The following PRKAB1 variants were observed in gnomAD, a reference collection of about 807,000 sequenced individuals.
The protein encoded by PRKAB1 is 5'-AMP-activated protein kinase subunit beta-1.
PRKAB1 carries 18 observed loss-of-function variants against 32.0 expected under a neutral mutation model. That is an observed-to-expected ratio of 0.56 (90% CI 0.39 to 0.83). PRKAB1 has a LOEUF of 0.83. Ranked by LOEUF, PRKAB1 falls within the 40% of genes least tolerant of loss-of-function variation. PRKAB1 has a pLI of 0.00. For synonymous variants in PRKAB1, 141 were observed against 141.4 expected (o/e 1.00, Z 0.02); for missense variants, 263 against 352.6 (o/e 0.75, Z 2.03).
chr12:119,672,010 T>G (rs893437075), intron 1 of PRKAB1, among the ~76,000 whole-genome samples: 1 of 152,238 alleles, frequency 6.6e-6, no homozygotes, highest in African/African-American at 2.4e-5. Context: ...GTGTGTTTCA[T>G]AGCTTCTTCT....
intron 2 of PRKAB1, among the ~76,000 whole-genome samples, chr12:119,673,517 G>C (rs1955402096): frequency 2.6e-5 from 4 of 152,168 alleles, no homozygotes; most frequent in Admixed American, 2.6e-4. Context: ...TCCGGAGTTT[G>C]GTTTTTCAGT....
rs1955407166 is a variant in PRKAB1, at chr12:119,674,217, G to A, written c.418-123G>A. On this transcript the variant is annotated intron_variant, in intron 3 of 6. Coordinates refer to ENST00000229328, the MANE Select transcript of PRKAB1 (RefSeq NM_006253.5). This position sits in a 1 kb window ranked among gnomAD's most constrained non-coding sequence, Gnocchi z 4.3. ...TACCTGTCAGACAGTTGGCATACTT[G>A]ACCAAGATGAGCAGGGTGGCTAGCC... 2.0e-6 allele frequency: 2 copies of A among 1,024,706 alleles called. No individual in the cohort carries two copies. The highest frequency in any genetic ancestry group is 3.2e-5 in the African/African-American group (2 of 62,504). The allele number at this position is 1,024,706 out of a possible 1,614,324, so 63.5% of individuals were successfully genotyped here. A position where few individuals can be genotyped will look rare whatever the true frequency, so the allele number is the denominator to read the frequency against.
intron 1 of PRKAB1, among the ~76,000 whole-genome samples, chr12:119,670,840 T>A (rs1362179968): frequency 1.3e-5 from 2 of 152,226 alleles, no homozygotes; most frequent in African/African-American, 4.8e-5. Context: ...TTATTTAATA[T>A]GTAGATCTTG....
rs749874985 is a variant in PRKAB1, at chr12:119,676,699, T to A, written c.666+29T>A. 13 of 1,609,492 alleles carry A rather than the reference T, an allele frequency of 8.1e-6. 1 individual carries two copies. The Admixed American group carries it at 2.2e-4, about 27-fold the overall frequency. ...AGTATGTGGGCATCTGCCCGGACCA[T>A]CCGCCGTGGGTCATGTTCAGTTGCT... On this transcript the variant is annotated intron_variant, in intron 5 of 6. Coordinates refer to ENST00000229328, the MANE Select transcript of PRKAB1 (RefSeq NM_006253.5).
At chr12:119,671,713 C>T (rs1436504210) in intron 1 of PRKAB1, 6 of 203,346 alleles carry the variant, frequency 3.0e-5, no homozygotes, top group African/African-American at 1.2e-4. Flanking sequence ...ATCACCTAGT[C>T]TATATGGTGT....
intron 1 of PRKAB1, among the ~76,000 whole-genome samples, chr12:119,669,191 G>A (rs1345731397): frequency 6.6e-6 from 1 of 151,958 alleles, no homozygotes; most frequent in Non-Finnish European, 1.5e-5. Flanking sequence ...GAACTCCCGG[G>A]TTCAAGCAAT....
Position 119,676,664 on chromosome 12 carries a change from G to A in PRKAB1, c.660G>A (p.Gly220=). Residue 220 remains glycine, a synonymous_variant, in exon 5 of 7, where the codon GGG becomes GGA. Transcript: ENST00000229328. ...AGGTCATCCTGAACAAGGACACGGG[G>A]ATTTCCGTAAGTATGTGGGCATCTG... ...LLQVILNKDT[G]ISCDPALLPE... 6.2e-7 allele frequency: 1 copy of A among 1,613,884 alleles called. No individual in the cohort carries two copies. The highest frequency in any genetic ancestry group is 1.1e-5 in the South Asian group (1 of 91,036).
At chr12:119,671,598 C>T (rs1386536134) in intron 1 of PRKAB1, 3 of 294,466 alleles carry the variant, frequency 1.0e-5, no homozygotes, top group African/African-American at 2.2e-5. Flanking sequence ...ATGGGGAAAC[C>T]GCCCCCATGA....
In PRKAB1 at chr12:119,674,764, G is replaced by T. The variant is rs1240113462; in HGVS notation, c.532+310G>T. Among the ~76,000 whole-genome samples, 1 of 152,246 alleles carries T rather than the reference G, an allele frequency of 6.6e-6. No individual in the cohort carries two copies. Among genetic ancestry groups the T allele is most frequent in the African/African-American group, 2.4e-5 (1 of 41,472 alleles). Reference sequence around the variant, plus strand: ...CAGGGCTGAAGAGGCCCTGGAGGGTGGCACTGAGTCAGTGACAGCCCAGCA... The same window carrying T: ...CAGGGCTGAAGAGGCCCTGGAGGGTTGCACTGAGTCAGTGACAGCCCAGCA... On this transcript the variant is annotated intron_variant, in intron 4 of 6. Transcript: ENST00000229328. The surrounding 1 kb of genome is among the most constrained non-coding windows in gnomAD (Gnocchi z 4.3).
intron 4 of PRKAB1, among the ~76,000 whole-genome samples, chr12:119,675,986 C>A (rs1955421258): frequency 6.6e-6 from 1 of 152,204 alleles, no homozygotes; most frequent in Admixed American, 6.5e-5. Context: ...TTGGAAGGAA[C>A]TTGAGTGTAA....
intron 1 of PRKAB1, among the ~76,000 whole-genome samples, chr12:119,670,210 A>G (rs185466092): frequency 3.3e-5 from 5 of 152,312 alleles, no homozygotes; most frequent in African/African-American, 1.2e-4. Flanking sequence ...TCCAAAAGGA[A>G]CTAATTGTTT....
Position 119,679,812 on chromosome 12 carries a change from T to C in PRKAB1, c.667-121T>C. 1 of 1,072,136 alleles carries C rather than the reference T, an allele frequency of 9.3e-7. No homozygotes were observed. The allele number at this position is 1,072,136 out of a possible 1,614,324, so 66.4% of individuals were successfully genotyped here. On this transcript the variant is annotated intron_variant, in intron 5 of 6. Transcript: ENST00000229328. The surrounding 1 kb of genome is among the most constrained non-coding windows in gnomAD (Gnocchi z 4.1). Reference sequence around the variant, plus strand: ...GGACAAGCCCTTGCGCTGCCTGATTTGGGAAGAGAGGTCGGCCTGAGCGCT... The same window carrying C: ...GGACAAGCCCTTGCGCTGCCTGATTCGGGAAGAGAGGTCGGCCTGAGCGCT...
intron 1 of PRKAB1, among the ~76,000 whole-genome samples, chr12:119,671,845 T>A (rs964920023): frequency 6.6e-6 from 1 of 152,138 alleles, no homozygotes; most frequent in African/African-American, 2.4e-5. Flanking sequence ...ATAGAAAAGA[T>A]AACAATAAAA....
chr12:119,671,362 G>C (rs568229525), intron 1 of PRKAB1: 4 of 254,506 alleles, frequency 1.6e-5, no homozygotes, highest in Non-Finnish European at 2.5e-5. Flanking sequence ...AACCTAGTCT[G>C]TTCTCATGCT....
chr12:119,675,704 C>T (rs777112162), intron 4 of PRKAB1, among the ~76,000 whole-genome samples: 1 of 152,192 alleles, frequency 6.6e-6, no homozygotes, highest in African/African-American at 2.4e-5. Flanking sequence ...ATGCTTTTCT[C>T]AGTTTCTTGC....
In PRKAB1 at chr12:119,673,834, A is replaced by G. The variant is rs1955404399; in HGVS notation, c.324-130A>G. The stretch of plus-strand genomic sequence containing the variant: ...TATGCTGAATTGTCTAAATGGGCTA[A>G]AAATGTTTGTTCTCCTGCAGCTGAA... On this transcript the variant is annotated intron_variant, in intron 2 of 6. Transcript: ENST00000229328. 5 of 707,624 alleles carry G rather than the reference A, an allele frequency of 7.1e-6. No individual in the cohort carries two copies. In the Admixed American group the frequency reaches 1.4e-4, roughly 20 times the overall value. 43.8% of individuals were successfully genotyped at this position (707,624 alleles called of 1,614,324 possible).
rs2136861380 is a variant in PRKAB1 at position 119,679,800 on chromosome 12, C to T, written c.667-133C>T. On this transcript the variant is annotated intron_variant, in intron 5 of 6. Coordinates refer to ENST00000229328, the MANE Select transcript of PRKAB1 (RefSeq NM_006253.5). The surrounding 1 kb of genome is among the most constrained non-coding windows in gnomAD (Gnocchi z 4.1). ...ACCTGTCGTCTTGGACAAGCCCTTGCGCTGCCTGATTTGGGAAGAGAGGTC... is the reference window on the plus strand; with the variant it reads ...ACCTGTCGTCTTGGACAAGCCCTTGTGCTGCCTGATTTGGGAAGAGAGGTC... 8.6e-6 allele frequency: 8 copies of T among 928,904 alleles called. No individual in the cohort carries two copies. The highest frequency in any genetic ancestry group is 1.6e-5 in the African/African-American group (1 of 62,018). 57.5% of individuals were successfully genotyped at this position (928,904 alleles called of 1,614,324 possible).
At position 119,668,244 on chromosome 12, in the gene PRKAB1, C is replaced by G; in HGVS notation, c.-1C>G. ...TCCCTGTGTCCCCGCAGACCCCCATCATGGGCAATACCAGCAGTGAGCGCG... is the reference window on the plus strand; with the variant it reads ...TCCCTGTGTCCCCGCAGACCCCCATGATGGGCAATACCAGCAGTGAGCGCG... On this transcript the variant is annotated 5_prime_UTR_variant, in exon 1 of 7. It adds an upstream start codon to the 5' untranslated region. Transcript: ENST00000229328. The G allele has an allele frequency of 6.3e-7, 1 of 1,589,296 alleles. No homozygotes were observed. Among genetic ancestry groups the G allele is most frequent in the South Asian group, 1.1e-5 (1 of 88,214 alleles).
intron 1 of PRKAB1, among the ~76,000 whole-genome samples, chr12:119,670,421 C>T (rs1051752533): frequency 1.3e-5 from 2 of 152,172 alleles, no homozygotes; most frequent in Non-Finnish European, 2.9e-5. Flanking sequence ...AAAGAGGCTG[C>T]TTTTATGTGG....
Sources: gnomAD v4.1 joint callset for allele counts (sites outside exome capture counted in the v4.1 genomes callset) on GRCh38, gnomAD v4.1.1 for gene constraint, Gnocchi (gnomAD v3.1) non-coding constraint, MANE v1.5 for transcripts, NCBI Gene and HGNC (gene_info 2026-07-23, HGNC 2026-07-21) for gene names.